NBEAL2: variants seen among roughly 807,000 people sequenced by gnomAD.
The protein encoded by NBEAL2 is neurobeachin like 2.
NBEAL2 carries 160 observed loss-of-function variants against 299.8 expected under a neutral mutation model. The ratio of observed to expected loss-of-function variants is 0.53; its 90% confidence interval spans 0.47 to 0.61. The LOEUF (loss-of-function observed/expected upper bound fraction) is 0.61. Among genes scored for constraint, NBEAL2 ranks in the 20% least tolerant of loss-of-function variants. The probability of loss-of-function intolerance (pLI) is 0.00; values close to 1 mark genes in which losing one functional copy is unlikely to be tolerated. For missense variants in NBEAL2, 3,112 were observed against 3,649.0 expected, an observed-to-expected ratio of 0.85 and a Z score of 3.79; for synonymous variants, 1,493 against 1,542.3, an observed-to-expected ratio of 0.97 and a Z score of 0.75.
Position 46,998,057 on chromosome 3 carries a change from C to G in NBEAL2, c.2959-10C>G. On this transcript the variant is annotated splice_polypyrimidine_tract_variant and intron_variant, in intron 20 of 53. Transcript: ENST00000450053. ...CCTGAGCCCTCACTCCAGCTCCTGT[C>G]TTATCCCAGGTCCCAAGCTGGGCCA... 15 of 1,559,464 alleles carry G rather than the reference C, an allele frequency of 9.6e-6. No individual in the cohort carries two copies. Among genetic ancestry groups the G allele is most frequent in the Middle Eastern group, 1.7e-4 (1 of 5,836 alleles).
rs74447560 is a variant in NBEAL2 at position 47,007,481 on chromosome 3, T to C, written c.7335-44T>C. 44,167 of 1,585,060 alleles carry C rather than the reference T, an allele frequency of 0.028. 2,009 individuals are homozygous for C. The highest frequency in any genetic ancestry group is 0.18 in the Admixed American group (10,359 of 56,268). Reference sequence around the variant, plus strand: ...AGGCTCCCTGAGGGCCTGGGTCTCTTCCATGTGGCCTGGCCTCACTTGCTA... The same window carrying C: ...AGGCTCCCTGAGGGCCTGGGTCTCTCCCATGTGGCCTGGCCTCACTTGCTA... On this transcript the variant is annotated intron_variant, in intron 47 of 53. Coordinates refer to ENST00000450053, the MANE Select transcript of NBEAL2 (RefSeq NM_015175.3).
In NBEAL2 at chr3:47,005,013, C is replaced by T. The variant is rs774950161; in HGVS notation, c.6336C>T (p.Asp2112=). ...AGGACTACGTGTCCCCAACCCTGGA[C>T]CTCAGCAACCCAGCCGTCTTCCGGG... The part of the protein sequence containing the change: ...VLQDYVSPTL[D]LSNPAVFRDL... Residue 2112 remains aspartate (D), a synonymous_variant, in exon 39 of 54, where the codon GAC becomes GAT. Transcript: ENST00000450053. 27 of 1,612,096 alleles carry T rather than the reference C, an allele frequency of 1.7e-5. 1 individual carries two copies. Among genetic ancestry groups the T allele is most frequent in the Non-Finnish European group, 2.1e-5 (25 of 1,179,222 alleles).
chr3:47,004,895 T>G lies in NBEAL2; in HGVS notation c.6295-77T>G. 1 of 1,547,346 alleles carries G rather than the reference T, an allele frequency of 6.5e-7. No individual in the cohort carries two copies. Among genetic ancestry groups the G allele is most frequent in the Non-Finnish European group, 8.7e-7 (1 of 1,144,852 alleles). Reference sequence around the variant, plus strand: ...TGGGCAGGCTCTGTGCCCGCCTTCTTGAGGGTGTGGGCAGGGCAGGGTGGG... The same window carrying G: ...TGGGCAGGCTCTGTGCCCGCCTTCTGGAGGGTGTGGGCAGGGCAGGGTGGG... On this transcript the variant is annotated intron_variant, in intron 38 of 53. Coordinates refer to ENST00000450053, the MANE Select transcript of NBEAL2 (RefSeq NM_015175.3). This position sits in a 1 kb window ranked among gnomAD's most constrained non-coding sequence, Gnocchi z 5.0.
At chr3:46,985,315 C>G (rs909268014) in intron 1 of NBEAL2, among the ~76,000 whole-genome samples, 1 of 152,170 alleles carries the variant, frequency 6.6e-6, no homozygotes, top group African/African-American at 2.4e-5. Context: ...CTACTCGAGG[C>G]CCATTGTGCA....
rs189360313 is a variant in NBEAL2, at chr3:47,006,936, C to T, written c.7135-130C>T. 1.2e-3 allele frequency: 864 copies of T among 722,220 alleles called. 1 individual carries two copies. The highest frequency in any genetic ancestry group is 1.7e-3 in the Non-Finnish European group (780 of 449,392). The allele number at this position is 722,220 out of a possible 1,614,324, so 44.7% of individuals were successfully genotyped here. ...GTCTCTGCCTGTTTCTTGGAGGGAA[C>T]CTCTGCATCTGTGACACCTACTCTA... On this transcript the variant is annotated intron_variant, in intron 45 of 53. Transcript: ENST00000450053.
intron 6 of NBEAL2, among the ~76,000 whole-genome samples, chr3:46,990,854 G>A (rs565175592): frequency 6.6e-6 from 1 of 152,294 alleles, no homozygotes; most frequent in East Asian, 1.9e-4. Context: ...GGCAGAGGCA[G>A]CAAGAGATTT....
intron 39 of NBEAL2, 22 bp downstream of exon 39, chr3:47,005,118 G>A (rs1260879710): frequency 6.2e-7 from 1 of 1,613,754 alleles, no homozygotes; most frequent in Non-Finnish European, 8.5e-7. Context: ...GGCAGGGCTG[G>A]GCTCAGCGGG....
Position 47,003,212 on chromosome 3 carries a change from CCT to C in NBEAL2, c.5626_5627del (p.Leu1876GlyfsTer27). 1 of 1,612,974 alleles carries C rather than the reference CCT, an allele frequency of 6.2e-7. No individual in the cohort carries two copies. The highest frequency in any genetic ancestry group is 8.5e-7 in the Non-Finnish European group (1 of 1,179,646). On this transcript the variant is annotated frameshift_variant, in exon 35 of 54. Transcript: ENST00000450053. LOFTEE classifies it high-confidence loss of function. The surrounding 1 kb of genome is among the most constrained non-coding windows in gnomAD (Gnocchi z 7.0). ...GACACCCACCGAGGAGGCCTCACTG[CCT>C]CTGGCAGTGACCAAAGAGGCCAAAG... The part of the protein sequence containing the change: ...PLTPTEEASL[P>X]LAVTKEAKVS...
rs1275326660 is a variant in NBEAL2 at position 46,991,533 on chromosome 3, C to T, written c.770C>T (p.Ala257Val). Residue 257 changes from alanine (A) to valine (V), a missense_variant, in exon 8 of 54, where the codon GCA becomes GTA. Ala to Val is a moderately conservative substitution (Grantham distance 64). Around this residue, in one of 3 missense-constraint regions of NBEAL2, gnomAD observed 2,243 missense variants for 2,538.1 expected, o/e 0.88. Transcript: ENST00000450053. This position sits in a 1 kb window ranked among gnomAD's most constrained non-coding sequence, Gnocchi z 6.2. ...CTGGCTCTAGAGGCACTGGTAGGTG[C>T]AGTCCATGTCTTGCATGCCAGCCGC... is the stretch of plus-strand genomic sequence containing the variant. ...VPLALEALVG[A>V]VHVLHASRAP... 3.7e-6 allele frequency: 6 copies of T among 1,609,252 alleles called. No homozygotes were observed. The highest frequency in any genetic ancestry group is 5.1e-6 in the Non-Finnish European group (6 of 1,179,882).
chr3:47,002,099 T>G lies in NBEAL2; in HGVS notation c.4962T>G (p.Ala1654=). 1 of 1,550,880 alleles carries G rather than the reference T, an allele frequency of 6.4e-7. No individual in the cohort carries two copies. Among genetic ancestry groups the G allele is most frequent in the Non-Finnish European group, 8.7e-7 (1 of 1,147,048 alleles). ...GGTCCCCACTTGCAGCTGCAGCAGC[T>G]GCAGCAGCTGCAGAGCGCTGCTCCT... ...EAGSPLAAAA[A]AAAAERCSWL... Residue 1654 remains alanine (A), a synonymous_variant, in exon 31 of 54, where the codon GCT becomes GCG. Coordinates refer to ENST00000450053, the MANE Select transcript of NBEAL2 (RefSeq NM_015175.3).
In NBEAL2 at chr3:47,009,258, T is replaced by A; in HGVS notation, c.8203T>A (p.Ser2735Thr). 1.2e-6 allele frequency: 2 copies of A among 1,602,020 alleles called. No homozygotes were observed. Among genetic ancestry groups the A allele is most frequent in the South Asian group, 1.1e-5 (1 of 88,742 alleles). ...SQFARKLWRS[S>T]RRISQVSSGE... ...GTTCGCGCGGAAGCTGTGGCGGTCC[T>A]CGCGGCGCATCTCCCAGGTGTCCTC... Residue 2735 changes from serine (S) to threonine (T), a missense_variant, in exon 54 of 54, where the codon TCG becomes ACG. By Grantham distance (58) the Ser-to-Thr change is moderately conservative (BLOSUM62 1). This residue lies in a region of NBEAL2 where 348 missense variants were observed against 381.4 expected (regional missense o/e 0.91). Transcript: ENST00000450053.
In NBEAL2 at chr3:47,003,408, C is replaced by T; in HGVS notation, c.5720+99C>T. 2 of 1,485,456 alleles carry T rather than the reference C, an allele frequency of 1.3e-6. No individual in the cohort carries two copies. Among genetic ancestry groups the T allele is most frequent in the African/African-American group, 1.4e-5 (1 of 71,570 alleles). 92.0% of individuals were successfully genotyped at this position (1,485,456 alleles called of 1,614,324 possible). On this transcript the variant is annotated intron_variant, in intron 35 of 53. Coordinates refer to ENST00000450053, the MANE Select transcript of NBEAL2 (RefSeq NM_015175.3). The surrounding 1 kb of genome is among the most constrained non-coding windows in gnomAD (Gnocchi z 7.0). ...GGGATCAACTCCCTGAGTGTGTCCT[C>T]TTCTGCTGCCCGACTACGTCCCCCT...
intron 1 of NBEAL2, among the ~76,000 whole-genome samples, chr3:46,986,735 A>G (rs1308029457): frequency 1.3e-5 from 2 of 152,168 alleles, no homozygotes; most frequent in Non-Finnish European, 2.9e-5. Flanking sequence ...CTTGCTAGCA[A>G]TCATGAGTGG....
chr3:47,003,992 GT>G lies in NBEAL2; in HGVS notation c.5881+17del. On this transcript the variant is annotated intron_variant, in intron 36 of 53. Transcript: ENST00000450053. The surrounding 1 kb of genome is among the most constrained non-coding windows in gnomAD (Gnocchi z 7.0). ...ACCGAGGAGGGTGCGTCCTGGTGGT[GT>G]GGTTTAGGAGGATGGCAGGGAATGG... 1 of 1,611,720 alleles carries G rather than the reference GT, an allele frequency of 6.2e-7. No homozygotes were observed.
chr3:46,999,361 G>T lies in NBEAL2; in HGVS notation c.3590G>T (p.Arg1197Leu). 6.2e-7 allele frequency: 1 copy of T among 1,610,884 alleles called. No homozygotes were observed. The highest frequency in any genetic ancestry group is 8.5e-7 in the Non-Finnish European group (1 of 1,179,246). ...AATGAGCGGCTACCTGAGCGGAGCCGCCAGCGCCTCCGGCTGCGGGAGTGT... is the reference window on the plus strand; with the variant it reads ...AATGAGCGGCTACCTGAGCGGAGCCTCCAGCGCCTCCGGCTGCGGGAGTGT... ...QQNERLPERS[R>L]QRLRLRECGL... is the part of the protein sequence containing the mutation. Residue 1197 changes from arginine (R) to leucine (L), a missense_variant, in exon 25 of 54, where the codon CGC (arginine) becomes CTC (leucine). By Grantham distance (102) the Arg-to-Leu change is moderately radical. Coordinates refer to ENST00000450053, the MANE Select transcript of NBEAL2 (RefSeq NM_015175.3).
In NBEAL2 at chr3:47,008,300, A is replaced by G; in HGVS notation, c.7737A>G (p.Ile2579Met). ...VSGSEDGTVI[I>M]HTVRRGQFVA... ...TCCTGCAGGATGGAACTGTGATCATACACACTGTACGCCGCGGACAGTTTG... is the reference window on the plus strand; with the variant it reads ...TCCTGCAGGATGGAACTGTGATCATGCACACTGTACGCCGCGGACAGTTTG... Residue 2579 changes from isoleucine (I) to methionine (M), a missense_variant, in exon 51 of 54, where the codon ATA becomes ATG. Ile to Met is a conservative substitution (Grantham distance 10). Around this residue, in one of 3 missense-constraint regions of NBEAL2, gnomAD observed 348 missense variants for 381.4 expected, o/e 0.91. Transcript: ENST00000450053. 1 of 1,613,222 alleles carries G rather than the reference A, an allele frequency of 6.2e-7. No homozygotes were observed. The highest frequency in any genetic ancestry group is 8.5e-7 in the Non-Finnish European group (1 of 1,179,538).
chr3:47,000,063 A>G lies in NBEAL2; in HGVS notation c.3964A>G (p.Thr1322Ala), dbSNP rs2036851138. 6.2e-7 allele frequency: 1 copy of G among 1,609,600 alleles called. No individual in the cohort carries two copies. The highest frequency in any genetic ancestry group is 1.1e-5 in the South Asian group (1 of 90,884). ...CAAGCCAGCCCCACCCAAGCCACCC[A>G]CTGAGTCACCTGCTGAGCCTTCAGA... ...SPKPAPPKPP[T>A]ESPAEPSDVF... The change falls in exon 27 of 54, where the codon ACT becomes GCT. Residue 1322 changes from threonine (T) to alanine (A), a missense_variant. Thr to Ala is a moderately conservative substitution (Grantham distance 58). Around this residue, in one of 3 missense-constraint regions of NBEAL2, gnomAD observed 2,243 missense variants for 2,538.1 expected, o/e 0.88. Coordinates refer to ENST00000450053, the MANE Select transcript of NBEAL2 (RefSeq NM_015175.3). This position sits in a 1 kb window ranked among gnomAD's most constrained non-coding sequence, Gnocchi z 4.5.
rs758820000 is a variant in NBEAL2, at chr3:47,005,370, A to G, written c.6560+49A>G. On this transcript the variant is annotated intron_variant, in intron 40 of 53. Transcript: ENST00000450053. ...AGACTAGGGGGCAGATAAGGGGAGG[A>G]GGCTGGTCCTCCCCACATCCTGGGC... 7.6e-6 allele frequency: 12 copies of G among 1,584,872 alleles called. No individual in the cohort carries two copies. In the South Asian group the frequency reaches 1.4e-4, roughly 18 times the overall value.
Position 46,988,988 on chromosome 3 carries a change from T to G in NBEAL2, c.269+18T>G, listed in dbSNP as rs746643429. 6.2e-7 allele frequency: 1 copy of G among 1,612,748 alleles called. No individual in the cohort carries two copies. Among genetic ancestry groups the G allele is most frequent in the Non-Finnish European group, 8.5e-7 (1 of 1,179,338 alleles). ...CTCTGCAGGTGTCTCTGTTGTCCACTCTACAAGCAGGGGCCTAGAACTGTG... is the reference window on the plus strand; with the variant it reads ...CTCTGCAGGTGTCTCTGTTGTCCACGCTACAAGCAGGGGCCTAGAACTGTG... On this transcript the variant is annotated intron_variant, in intron 3 of 53. Transcript: ENST00000450053. This position sits in a 1 kb window ranked among gnomAD's most constrained non-coding sequence, Gnocchi z 4.4.
Sources: gnomAD v4.1 joint callset for allele counts (sites outside exome capture counted in the v4.1 genomes callset) on GRCh38, gnomAD v4.1.1 for gene constraint, gnomAD v4.1.1 regional missense constraint, Gnocchi (gnomAD v3.1) non-coding constraint, MANE v1.5 for transcripts, NCBI Gene and HGNC (gene_info 2026-07-23, HGNC 2026-07-21) for gene names.